FER: variants seen among roughly 807,000 people sequenced by gnomAD.
FER encodes FER tyrosine kinase.
A neutral mutation model predicts 111.0 loss-of-function variants in FER; 63 were observed. The observed-to-expected ratio is 0.57, with a 90% CI of 0.46 to 0.70. The LOEUF (loss-of-function observed/expected upper bound fraction) is 0.70. Among genes scored for constraint, FER ranks in the 30% least tolerant of loss-of-function variants. FER has a pLI of 0.00. For synonymous variants in FER, 327 were observed against 313.9 expected (o/e 1.04, Z -0.44); for missense variants, 914 against 954.0 (o/e 0.96, Z 0.55).
At position 109,175,327 on chromosome 5, in the gene FER, T is replaced by TA. The variant is rs746542653; in HGVS notation, c.2049-5419dup. ...TAATTCTCACAAAAACCTCATGTTG[T>TA]AGGTACAATTATTATCCCCATTTCA... is the stretch of plus-strand genomic sequence containing the variant. On this transcript the variant is annotated intron_variant, in intron 17 of 19. Coordinates refer to ENST00000281092, the MANE Select transcript of FER (RefSeq NM_005246.4). Among the ~76,000 whole-genome samples, 4 of 152,202 alleles carry TA rather than the reference T, an allele frequency of 2.6e-5. No individual in the cohort carries two copies. The East Asian group carries it at 5.8e-4, about 22-fold the overall frequency.
At chr5:109,164,032 C>G (rs973056832) in intron 17 of FER, among the ~76,000 whole-genome samples, 38 of 152,126 alleles carry the variant, frequency 2.5e-4, no homozygotes, top group African/African-American at 8.7e-4. Context: ...ACCCAAATAC[C>G]TAAGCTGCAT....
At chr5:108,803,793 C>T (rs1756921018) in intron 3 of FER, among the ~76,000 whole-genome samples, 1 of 152,052 alleles carries the variant, frequency 6.6e-6, no homozygotes, top group African/African-American at 2.4e-5. Flanking sequence ...GTTCTCTTTA[C>T]TTAGGACTGC....
intron 17 of FER, among the ~76,000 whole-genome samples, chr5:109,147,537 A>AG (rs1309133140): frequency 1.3e-5 from 2 of 152,036 alleles, no homozygotes; most frequent in Non-Finnish European, 2.9e-5. Flanking sequence ...AAAAGATAAA[A>AG]TATCCAACAA....
intron 3 of FER, among the ~76,000 whole-genome samples, chr5:108,820,792 A>G (rs994506484): frequency 1.3e-5 from 2 of 152,166 alleles, no homozygotes; most frequent in Non-Finnish European, 2.9e-5. Flanking sequence ...TGGTTATTAT[A>G]TTAGTGTTTG....
At chr5:109,093,125 C>T (rs1747035398) in intron 16 of FER, among the ~76,000 whole-genome samples, 1 of 152,090 alleles carries the variant, frequency 6.6e-6, no homozygotes, top group African/African-American at 2.4e-5. Flanking sequence ...TGTTGTTGTT[C>T]AATGAGTGTA....
chr5:108,808,916 T>G (rs917535337), intron 3 of FER, among the ~76,000 whole-genome samples: 1 of 152,232 alleles, frequency 6.6e-6, no homozygotes, highest in African/African-American at 2.4e-5. Context: ...AGTACACCCC[T>G]AATCTTCCCT....
chr5:108,863,578 T>G (rs1053863068), intron 5 of FER, among the ~76,000 whole-genome samples: 1 of 152,184 alleles, frequency 6.6e-6, no homozygotes, highest in Non-Finnish European at 1.5e-5. Context: ...TAAAAATCAT[T>G]CATGGTTAGT....
intron 10 of FER, among the ~76,000 whole-genome samples, chr5:108,931,124 T>C (rs1754607266): frequency 6.6e-6 from 1 of 152,202 alleles, no homozygotes; most frequent in African/African-American, 2.4e-5. Context: ...GGACCTGCTA[T>C]ATAGTGTTCA....
intron 13 of FER, among the ~76,000 whole-genome samples, chr5:108,993,151 G>A (rs1763480478): frequency 6.6e-6 from 1 of 152,290 alleles, no homozygotes; most frequent in South Asian, 2.1e-4. Flanking sequence ...GCCGGGCAGA[G>A]GCTGCAATCT....
intron 13 of FER, among the ~76,000 whole-genome samples, chr5:108,971,345 G>GTTTCT (rs1760644531): frequency 6.6e-6 from 1 of 150,450 alleles, no homozygotes; most frequent in Admixed American, 6.6e-5. Flanking sequence ...AATAAGTAAT[G>GTTTCT]GTAGGAATTC....
intron 11 of FER, among the ~76,000 whole-genome samples, chr5:108,952,956 G>A (rs1466675812): frequency 1.3e-5 from 2 of 152,004 alleles, no homozygotes; most frequent in African/African-American, 2.4e-5. Flanking sequence ...TTGTAAAGAT[G>A]TTACATTGAA....
chr5:109,125,045 CAAAAAA>C (rs373849561), intron 17 of FER, among the ~76,000 whole-genome samples: 1 of 75,620 alleles, frequency 1.3e-5, no homozygotes, highest in Non-Finnish European at 2.8e-5. Context: ...GACTCTGTCT[CAAAAAA>C]AAAAAAAAAA....
At chr5:109,174,391 C>G (rs140868263) in intron 17 of FER, among the ~76,000 whole-genome samples, 1 of 152,208 alleles carries the variant, frequency 6.6e-6, no homozygotes, top group East Asian at 1.9e-4. Flanking sequence ...CCATCACTTT[C>G]AGCTAAATAG....
At chr5:108,923,868 C>A (rs1753369460) in intron 10 of FER, among the ~76,000 whole-genome samples, 1 of 151,348 alleles carries the variant, frequency 6.6e-6, no homozygotes, top group Non-Finnish European at 1.5e-5. Flanking sequence ...AGAGTTATAC[C>A]TCAATAAAAA....
intron 11 of FER, among the ~76,000 whole-genome samples, chr5:108,952,542 G>T (rs1561669248): frequency 7.3e-6 from 1 of 137,464 alleles, no homozygotes; most frequent in South Asian, 2.6e-4. Context: ...TAACAGTGTT[G>T]TATAGGGGAT....
intron 6 of FER, among the ~76,000 whole-genome samples, chr5:108,870,155 C>A (rs553360684): frequency 6.6e-6 from 1 of 152,014 alleles, no homozygotes; most frequent in South Asian, 2.1e-4. Flanking sequence ...GGTATGTTAT[C>A]TGTACTTTGT....
intron 17 of FER, among the ~76,000 whole-genome samples, chr5:109,126,285 C>T (rs997281979): frequency 1.3e-5 from 2 of 152,150 alleles, no homozygotes; most frequent in African/African-American, 2.4e-5. Flanking sequence ...AAGAACCCTG[C>T]GGTTTGCATG....
intron 13 of FER, among the ~76,000 whole-genome samples, chr5:109,021,758 A>G (rs574752583): frequency 1.1e-4 from 17 of 152,232 alleles, no homozygotes; most frequent in African/African-American, 3.8e-4. Context: ...GCTTTCTTAG[A>G]TTTGATAGAT....
intron 10 of FER, among the ~76,000 whole-genome samples, chr5:108,927,557 C>T (rs565312038): frequency 8.6e-5 from 13 of 151,872 alleles, no homozygotes; most frequent in Non-Finnish European, 1.3e-4. Context: ...TCGCGCCCGG[C>T]GAGAAGTGGC....
Sources: gnomAD v4.1 joint callset for allele counts (sites outside exome capture counted in the v4.1 genomes callset) on GRCh38, gnomAD v4.1.1 for gene constraint, MANE v1.5 for transcripts, NCBI Gene and HGNC (gene_info 2026-07-23, HGNC 2026-07-21) for gene names.